Variants in CSMD1 observed in about 807,000 individuals in gnomAD.
CSMD1 encodes CUB and sushi domain-containing protein 1.
Under a neutral mutation model 417.5 loss-of-function variants are expected in CSMD1, and 213 were observed. The observed-to-expected ratio is 0.51, with a 90% CI of 0.46 to 0.57. The LOEUF (loss-of-function observed/expected upper bound fraction) is 0.57. CSMD1 is among the 20% of genes least tolerant of loss of function. The pLI is 0.00. For synonymous variants in CSMD1, 2,862 were observed against 1,736.8 expected, an observed-to-expected ratio of 1.65 and a Z score of -16.11; for missense variants, 6,923 against 4,529.7, an observed-to-expected ratio of 1.53 and a Z score of -15.17.
chr8:3,514,559 GT>G (rs1797209684), intron 10 of CSMD1, among the ~76,000 whole-genome samples: 1 of 152,162 alleles, frequency 6.6e-6, no homozygotes, highest in Admixed American at 6.5e-5. Flanking sequence ...ATATGTTATA[GT>G]TGGGGGAATA....
At chr8:3,512,241 C>T (rs555671666) in intron 10 of CSMD1, among the ~76,000 whole-genome samples, 2 of 152,232 alleles carry the variant, frequency 1.3e-5, no homozygotes, top group Non-Finnish European at 2.9e-5. Flanking sequence ...ACGTGCAGAA[C>T]CATGCTGCAT....
At chr8:4,756,453 A>T (rs1811673844) in intron 1 of CSMD1, among the ~76,000 whole-genome samples, 1 of 152,208 alleles carries the variant, frequency 6.6e-6, no homozygotes, top group East Asian at 1.9e-4. Context: ...AAACGCTAAA[A>T]GTTAATTTGG....
chr8:3,251,196 G>C (rs1014679823), intron 26 of CSMD1, among the ~76,000 whole-genome samples: 7 of 152,058 alleles, frequency 4.6e-5, no homozygotes, highest in African/African-American at 1.4e-4. Flanking sequence ...TATGGTTTTA[G>C]GTCTAACATT....
At chr8:4,156,375 G>A (rs1218000273) in intron 3 of CSMD1, among the ~76,000 whole-genome samples, 2 of 152,150 alleles carry the variant, frequency 1.3e-5, no homozygotes, top group Non-Finnish European at 2.9e-5. Flanking sequence ...AATGAATGCA[G>A]AAGCCAATGG....
intron 50 of CSMD1, among the ~76,000 whole-genome samples, chr8:3,046,249 G>A (rs148273690): frequency 6.6e-6 from 1 of 152,162 alleles, no homozygotes; most frequent in Non-Finnish European, 1.5e-5. Context: ...TGGTGACCTG[G>A]GTGGTGCAGA....
At position 3,782,668 on chromosome 8, in the gene CSMD1, A is replaced by T. The variant is rs539276427; in HGVS notation, c.819-28626T>A. ...AATTTAAAAAATGCTATATATTCTC[A>T]GAGTCAACAATGTTTGAGAACAAGC... On this transcript the variant is annotated intron_variant, in intron 5 of 69. Coordinates refer to ENST00000635120, the MANE Select transcript of CSMD1 (RefSeq NM_033225.6). Among the ~76,000 whole-genome samples, 3 of 152,326 alleles carry T rather than the reference A, an allele frequency of 2.0e-5. No homozygotes were observed. In the Middle Eastern group the frequency reaches 0.01, roughly 518 times the overall value.
intron 2 of CSMD1, among the ~76,000 whole-genome samples, chr8:4,420,344 G>A (rs762084506): frequency 1.3e-5 from 2 of 151,566 alleles, no homozygotes; most frequent in African/African-American, 4.8e-5. Context: ...CCTCGTTTTT[G>A]GATGGCAATT....
intron 12 of CSMD1, among the ~76,000 whole-genome samples, chr8:3,421,691 G>A (rs747158406): frequency 1.3e-5 from 2 of 152,156 alleles, no homozygotes; most frequent in Admixed American, 6.5e-5. Flanking sequence ...AGACTGCAGT[G>A]CACTGCTGTA....
chr8:3,847,499 A>G (rs1803588147), intron 5 of CSMD1, among the ~76,000 whole-genome samples: 1 of 152,112 alleles, frequency 6.6e-6, no homozygotes, highest in African/African-American at 2.4e-5. Context: ...CGCCAACATC[A>G]ATATGAGTAT....
intron 5 of CSMD1, among the ~76,000 whole-genome samples, chr8:3,848,444 G>C (rs780989575): frequency 6.6e-6 from 1 of 152,162 alleles, no homozygotes; most frequent in Non-Finnish European, 1.5e-5. Flanking sequence ...TCAACTAATA[G>C]TTACTTAAGT....
chr8:4,141,079 T>C (rs568201587), intron 3 of CSMD1, among the ~76,000 whole-genome samples: 2 of 151,206 alleles, frequency 1.3e-5, no homozygotes, highest in Non-Finnish European at 2.9e-5. Context: ...CCCCCAAATC[T>C]ACAAACTTCC....
chr8:3,349,738 T>C (rs1009203474), intron 21 of CSMD1, among the ~76,000 whole-genome samples: 3 of 146,230 alleles, frequency 2.1e-5, no homozygotes, highest in African/African-American at 7.6e-5. Flanking sequence ...CTATAATATA[T>C]AAATACTTTA....
intron 23 of CSMD1, among the ~76,000 whole-genome samples, chr8:3,329,574 G>T (rs574048533): frequency 6.6e-6 from 1 of 152,156 alleles, no homozygotes; most frequent in Non-Finnish European, 1.5e-5. Flanking sequence ...ACAGACAGCC[G>T]TATTTACCCT....
intron 20 of CSMD1, among the ~76,000 whole-genome samples, chr8:3,365,260 A>G (rs966747824): frequency 6.6e-6 from 1 of 152,234 alleles, no homozygotes; most frequent in Non-Finnish European, 1.5e-5. Flanking sequence ...CAGTCTTGAA[A>G]GCTTCACTTG....
chr8:4,097,581 A>G (rs959180821), intron 3 of CSMD1, among the ~76,000 whole-genome samples: 1 of 152,246 alleles, frequency 6.6e-6, no homozygotes. Context: ...GTATGATTCT[A>G]GTAACACCCA....
intron 3 of CSMD1, among the ~76,000 whole-genome samples, chr8:4,301,131 G>A (rs1465333089): frequency 6.6e-6 from 1 of 152,178 alleles, no homozygotes; most frequent in Non-Finnish European, 1.5e-5. Flanking sequence ...TGTTTGAGGA[G>A]AGGAATGAGC....
intron 5 of CSMD1, among the ~76,000 whole-genome samples, chr8:3,766,466 G>C (rs1278275466): frequency 6.6e-6 from 1 of 152,080 alleles, no homozygotes; most frequent in South Asian, 2.1e-4. Context: ...GGCCTCTCAG[G>C]CTTGCCAACA....
chr8:4,952,254 A>T (rs1215854172), intron 1 of CSMD1, among the ~76,000 whole-genome samples: 1 of 152,010 alleles, frequency 6.6e-6, no homozygotes, highest in African/African-American at 2.4e-5. Context: ...TTTTTCTATA[A>T]GATAAACTAT....
At chr8:4,964,110 T>C (rs941051727) in intron 1 of CSMD1, among the ~76,000 whole-genome samples, 2 of 152,126 alleles carry the variant, frequency 1.3e-5, no homozygotes, top group Admixed American at 6.6e-5. Context: ...CTTTCTCAAG[T>C]GGCACTATCT....
Sources: allele counts gnomAD v4.1 joint callset (sites outside exome capture counted in the v4.1 genomes callset), GRCh38; gene constraint gnomAD v4.1.1; transcripts MANE v1.5; gene names NCBI Gene and HGNC (gene_info 2026-07-23, HGNC 2026-07-21).